DEPDC5: variants seen among roughly 807,000 people sequenced by gnomAD.
DEPDC5 encodes GATOR1 complex protein DEPDC5.
In DEPDC5, 73 loss-of-function variants were observed where a neutral mutation model predicts 217.3. That is an observed-to-expected ratio of 0.34 (90% CI 0.28 to 0.41). DEPDC5 has a LOEUF of 0.41. Ranked by LOEUF, DEPDC5 falls within the 10% of genes least tolerant of loss-of-function variation. DEPDC5 has a pLI of 1.00. For missense variants in DEPDC5, 1,675 were observed against 2,070.1 expected (o/e 0.81, Z 3.70); for synonymous variants, 733 against 756.7 (o/e 0.97, Z 0.51).
intron 15 of DEPDC5, 102 bp downstream of exon 15, chr22:31,802,940 A>G (rs1468880699): frequency 2.9e-6 from 4 of 1,388,212 alleles, no homozygotes; most frequent in East Asian, 2.6e-5. Flanking sequence ...GGAGCTCTAC[A>G]TAGTGTTCTG....
At chr22:31,847,346 C>T (rs2091796611) in intron 31 of DEPDC5, among the ~76,000 whole-genome samples, 1 of 151,410 alleles carries the variant, frequency 6.6e-6, no homozygotes, top group Admixed American at 6.6e-5. Flanking sequence ...GGCAAAACCC[C>T]ATCTTTACTG....
intron 31 of DEPDC5, among the ~76,000 whole-genome samples, chr22:31,856,093 G>T (rs1401157104): frequency 6.6e-6 from 1 of 151,720 alleles, no homozygotes; most frequent in African/African-American, 2.4e-5. Context: ...CCCAGACCCA[G>T]TGACAGCCTC....
rs1213649107 is a variant in DEPDC5, at chr22:31,893,660, G to C, written c.4112G>C (p.Ser1371Thr). 6.2e-7 allele frequency: 1 copy of C among 1,614,032 alleles called. No individual in the cohort carries two copies. The highest frequency in any genetic ancestry group is 8.5e-7 in the Non-Finnish European group (1 of 1,179,998). ...NNRTDRLEWC[S>T]CYYHGNFSLN... ...CGCACAGACCGGCTGGAGTGGTGCA[G>C]CTGTTATTACCATGGCAACTTTTCT... The change falls in exon 39 of 43, where the codon AGC becomes ACC. Residue 1371 changes from serine (S) to threonine (T), a missense_variant. Coordinates refer to ENST00000651528, the MANE Select transcript of DEPDC5 (RefSeq NM_001242896.3).
At chr22:31,829,036 A>G (rs955014616) in intron 24 of DEPDC5, among the ~76,000 whole-genome samples, 10 of 152,116 alleles carry the variant, frequency 6.6e-5, no homozygotes, top group African/African-American at 1.4e-4. Context: ...CCTGCCCCTC[A>G]CTGGACTTTC....
intron 20 of DEPDC5, among the ~76,000 whole-genome samples, chr22:31,813,696 T>C (rs2088712238): frequency 6.6e-6 from 1 of 151,516 alleles, no homozygotes; most frequent in Admixed American, 6.6e-5. Flanking sequence ...TATATATATA[T>C]ATATGCATAT....
intron 7 of DEPDC5, chr22:31,769,132 C>T (rs912587705): frequency 1.9e-5 from 4 of 209,058 alleles, no homozygotes; most frequent in East Asian, 1.2e-4. Context: ...TGGTGGCGGG[C>T]GCCTGTAGTC....
chr22:31,796,647 T>G (rs1001099171), intron 12 of DEPDC5, among the ~76,000 whole-genome samples: 2 of 152,148 alleles, frequency 1.3e-5, no homozygotes, highest in African/African-American at 4.8e-5. Context: ...ACCATTAAAG[T>G]AGAAGATCTT....
At chr22:31,797,012 T>TA (rs2086317834) in intron 12 of DEPDC5, among the ~76,000 whole-genome samples, 2 of 151,080 alleles carry the variant, frequency 1.3e-5, no homozygotes, top group East Asian at 1.9e-4. Flanking sequence ...TTTTTTTTTT[T>TA]AATGCTTCTT....
rs2093660096 is a variant in DEPDC5, at chr22:31,902,248, G to A, written c.4436+446G>A. ...GGGAAAGCCTGTCCTAGACTTCACT[G>A]TCTCCCACTAGACTAGTCCAGCCGA... On this transcript the variant is annotated intron_variant, in intron 41 of 42. Coordinates refer to ENST00000651528, the MANE Select transcript of DEPDC5 (RefSeq NM_001242896.3). Among the ~76,000 whole-genome samples the A allele has an allele frequency of 2.0e-5, 3 of 151,858 alleles. No individual in the cohort carries two copies. In the South Asian group the frequency reaches 6.2e-4, roughly 32 times the overall value.
chr22:31,893,489 A>G, intron 38 of DEPDC5, 93 bp from the exon 39 acceptor site: 3 of 1,293,592 alleles, frequency 2.3e-6, no homozygotes, highest in Non-Finnish European at 3.1e-6. Context: ...AGGCACTTGT[A>G]TATAGTTTCA....
rs2089448176 is a variant in DEPDC5, at chr22:31,819,232, T to A, written c.1870+7T>A. The A allele has an allele frequency of 6.2e-7, 1 of 1,613,946 alleles. No homozygotes were observed. Among genetic ancestry groups the A allele is most frequent in the Non-Finnish European group, 8.5e-7 (1 of 1,180,012 alleles). The stretch of plus-strand genomic sequence containing the variant: ...ATGCACACTTTTCCTGTGGGTAAGT[T>A]GGTTGCTTAAGAGAGAGCCTTGGAC... On this transcript the variant is annotated splice_region_variant and intron_variant, in intron 22 of 42. Coordinates refer to ENST00000651528, the MANE Select transcript of DEPDC5 (RefSeq NM_001242896.3).
intron 3 of DEPDC5, among the ~76,000 whole-genome samples, chr22:31,759,355 GTTTTTTTTGTTTTTTTTGT>G (rs2148003893): frequency 7.5e-6 from 1 of 132,478 alleles, no homozygotes; most frequent in East Asian, 2.2e-4. Context: ...ATACCGAGCC[GTTTTTTTTGTTTTTTTTGT>G]TTTTTTTTGT....
intron 12 of DEPDC5, among the ~76,000 whole-genome samples, chr22:31,794,243 T>C (rs1296556732): frequency 6.6e-6 from 1 of 152,156 alleles, no homozygotes; most frequent in African/African-American, 2.4e-5. Context: ...TGATGGGCCA[T>C]CTGCTGTACT....
At chr22:31,878,635 C>T (rs974191342) in intron 37 of DEPDC5, among the ~76,000 whole-genome samples, 2 of 151,806 alleles carry the variant, frequency 1.3e-5, no homozygotes, top group Non-Finnish European at 2.9e-5. Context: ...ATTGCTTGAG[C>T]CCAGGAGGTT....
intron 32 of DEPDC5, chr22:31,858,879 A>G (rs2092401626): frequency 6.6e-6 from 1 of 152,220 alleles, no homozygotes; most frequent in Non-Finnish European, 1.5e-5. Context: ...ATTCCTTAGC[A>G]TAAATACTGT....
Position 31,859,079 on chromosome 22 carries a change from G to GTTTTTTTTTTTTTT in DEPDC5, c.3264+1542_3264+1555dup, listed in dbSNP as rs136864. On this transcript the variant is annotated intron_variant, in intron 32 of 42. Transcript: ENST00000651528. ...TTAAAGTTGTAAAAACCATTCCTTT[G>GTTTTTTTTTTTTTT]TTTTTTTTTTTTTTTTTTTTTTTTT... 3.0e-5 allele frequency: 2 copies of GTTTTTTTTTTTTTT among 67,008 alleles called. 1 individual carries two copies. The highest frequency in any genetic ancestry group is 5.6e-5 in the Non-Finnish European group (2 of 35,640). 4.2% of individuals were successfully genotyped at this position (67,008 alleles called of 1,614,324 possible).
chr22:31,755,077 G>A, intron 2 of DEPDC5, 98 bp downstream of exon 2: 1 of 1,407,828 alleles, frequency 7.1e-7, no homozygotes, highest in Non-Finnish European at 1.0e-6. Context: ...GACAATTGAG[G>A]CTAAACAGGC....
rs2093754759 is a variant in DEPDC5, at chr22:31,906,166, C to A, written c.4520-39C>A. On this transcript the variant is annotated intron_variant, in intron 42 of 42. Transcript: ENST00000651528. This position sits in a 1 kb window ranked among gnomAD's most constrained non-coding sequence, Gnocchi z 5.1. ...CACCTCAGCAGGCTCCAGGAGCCCT[C>A]CTGGTGGCTGCCACACAGGCGCTCC... The A allele has an allele frequency of 6.2e-7, 1 of 1,612,658 alleles. No homozygotes were observed. Among genetic ancestry groups the A allele is most frequent in the African/African-American group, 1.3e-5 (1 of 74,844 alleles).
chr22:31,834,914 T>C (rs7291689), intron 25 of DEPDC5, among the ~76,000 whole-genome samples: 1,721 of 152,340 alleles, frequency 0.011, 34 homozygotes, highest in African/African-American at 0.038. Flanking sequence ...CATATTACTG[T>C]ATCTTGGTTT....
Sources: gnomAD v4.1 joint callset for allele counts (sites outside exome capture counted in the v4.1 genomes callset) on GRCh38, gnomAD v4.1.1 for gene constraint, Gnocchi (gnomAD v3.1) non-coding constraint, MANE v1.5 for transcripts, NCBI Gene and HGNC (gene_info 2026-07-23, HGNC 2026-07-21) for gene names.